The following CHEK2 variants were observed in gnomAD, a reference collection of about 807,000 sequenced individuals.
CHEK2 encodes the protein checkpoint kinase 2, also known as serine/threonine-protein kinase Chk2.
In CHEK2, 71 loss-of-function variants were observed where a neutral mutation model predicts 69.1. The observed-to-expected ratio is 1.03, with a 90% CI of 0.85 to 1.25. The LOEUF (loss-of-function observed/expected upper bound fraction) is 1.25. Ranked by LOEUF, CHEK2 falls within the 50% of genes most tolerant of loss-of-function variation. The pLI, the probability that CHEK2 is intolerant of heterozygous loss-of-function variation, is 0.00. For missense variants in CHEK2, 664 were observed against 649.6 expected, an observed-to-expected ratio of 1.02 and a Z score of -0.24; for synonymous variants, 189 against 226.9, an observed-to-expected ratio of 0.83 and a Z score of 1.50.
intron 7 of CHEK2, among the ~76,000 whole-genome samples, chr22:28,706,747 C>T (rs940496506): frequency 3.9e-5 from 6 of 152,026 alleles, no homozygotes; most frequent in Non-Finnish European, 7.4e-5. Context: ...GGCAAAACCC[C>T]ATCTCTACTA....
chr22:28,715,207 TAGAG>T (rs2053547797), intron 5 of CHEK2, among the ~76,000 whole-genome samples: 1 of 151,982 alleles, frequency 6.6e-6, no homozygotes, highest in Middle Eastern at 3.2e-3. Flanking sequence ...TCCTACCACA[TAGAG>T]AGAACAATTC....
intron 8 of CHEK2, among the ~76,000 whole-genome samples, chr22:28,702,000 G>A (rs2052873891): frequency 6.8e-6 from 1 of 148,082 alleles, no homozygotes; most frequent in African/African-American, 2.5e-5. Context: ...TGTCCAGGCT[G>A]GAGTGCAGTG....
intron 9 of CHEK2, among the ~76,000 whole-genome samples, chr22:28,699,570 G>A (rs1047284394): frequency 1.3e-5 from 2 of 151,798 alleles, no homozygotes; most frequent in African/African-American, 2.4e-5. Flanking sequence ...TCACTATGTT[G>A]GTCAGGATGG....
At chr22:28,729,359 G>A (rs1013728795) in intron 2 of CHEK2, 11 of 190,072 alleles carry the variant, frequency 5.8e-5, no homozygotes, top group Non-Finnish European at 7.9e-5. Flanking sequence ...TGGCTAACAC[G>A]GTGAAACCCC....
rs766525226 is a variant in CHEK2, at chr22:28,689,295, T to C, written c.1462-80A>G. ...GAATGACAGGGCTAGCATGCCCCTG[T>C]GGAAAGAGGGAGGAAAAATGTCCGT... On this transcript the variant is annotated intron_variant, in intron 13 of 14. Transcript: ENST00000404276. The C allele has an allele frequency of 9.1e-6, 9 of 993,532 alleles. 1 individual carries two copies. In the South Asian group the frequency reaches 1.0e-4, roughly 11 times the overall value. 61.5% of individuals were successfully genotyped at this position (993,532 alleles called of 1,614,324 possible).
At chr22:28,713,085 T>C (rs906661387) in intron 5 of CHEK2, among the ~76,000 whole-genome samples, 1 of 152,236 alleles carries the variant, frequency 6.6e-6, no homozygotes, top group Non-Finnish European at 1.5e-5. Flanking sequence ...AATCATACAA[T>C]ATGTAGCCTT....
intron 2 of CHEK2, chr22:28,727,873 T>A (rs922336007): frequency 9.9e-5 from 15 of 152,172 alleles, no homozygotes; most frequent in African/African-American, 3.1e-4. Flanking sequence ...TGGCAAGAGG[T>A]ATGAAAAAGC....
Position 28,734,401 on chromosome 22 carries a change from A to T in CHEK2, c.319+2T>A, listed in dbSNP as rs587782401. On this transcript the variant is annotated splice_donor_variant, in intron 2 of 14. Transcript: ENST00000404276. LOFTEE classifies it high-confidence loss of function. ...GTGATACTATACAACAAAGGGTCTT[A>T]CCAAGATTGGCAAATCCATCCTGAA... is the stretch of plus-strand genomic sequence containing the variant. 4.6e-5 allele frequency: 75 copies of T among 1,613,644 alleles called. No homozygotes were observed. Among genetic ancestry groups the T allele is most frequent in the Non-Finnish European group, 2.0e-5 (24 of 1,179,646 alleles).
intron 7 of CHEK2, 126 bp downstream of exon 7, chr22:28,709,880 T>A: frequency 1.8e-6 from 1 of 571,096 alleles, no homozygotes. Flanking sequence ...CCTCCCAAAG[T>A]GCTAGGGTTA....
At chr22:28,720,249 C>G in intron 4 of CHEK2, among the ~76,000 whole-genome samples, 1 of 151,752 alleles carries the variant, frequency 6.6e-6, no homozygotes, top group East Asian at 1.9e-4. Flanking sequence ...CAGCACCATG[C>G]CCGGCTAAGT....
intron 5 of CHEK2, among the ~76,000 whole-genome samples, chr22:28,713,301 T>C (rs1259337386): frequency 2.0e-5 from 3 of 152,068 alleles, no homozygotes; most frequent in Non-Finnish European, 1.5e-5. Context: ...AGAAAAACAA[T>C]AGATAAATTA....
chr22:28,688,561 C>A (rs2052216626), intron 14 of CHEK2, among the ~76,000 whole-genome samples: 1 of 152,028 alleles, frequency 6.6e-6, no homozygotes, highest in African/African-American at 2.4e-5. Context: ...CCCAGATACT[C>A]GGGAGACTGA....
intron 9 of CHEK2, 32 bp from the exon 10 acceptor site, chr22:28,697,019 T>A: frequency 7.4e-7 from 1 of 1,346,132 alleles, no homozygotes; most frequent in East Asian, 2.3e-5. Flanking sequence ...ACCCTCAGAT[T>A]CATGCAGTAG....
chr22:28,692,698 G>A (rs1261078674), intron 13 of CHEK2, among the ~76,000 whole-genome samples: 1 of 152,142 alleles, frequency 6.6e-6, no homozygotes, highest in African/African-American at 2.4e-5. Flanking sequence ...TACCAGTTCT[G>A]TCCCCCATCT....
At chr22:28,730,282 G>A (rs2054168395) in intron 2 of CHEK2, 1 of 388,586 alleles carries the variant, frequency 2.6e-6, no homozygotes, top group Non-Finnish European at 4.6e-6. Context: ...GAAAGCGGAA[G>A]GGAAAGGAAA....
At chr22:28,734,017 T>C (rs936728860) in intron 2 of CHEK2, among the ~76,000 whole-genome samples, 8 of 152,004 alleles carry the variant, frequency 5.3e-5, no homozygotes, top group Non-Finnish European at 1.0e-4. Flanking sequence ...TTCATTTGCA[T>C]AAGGCGTCAA....
chr22:28,730,055 G>A lies in CHEK2; in HGVS notation c.319+4348C>T, dbSNP rs1270592500. On this transcript the variant is annotated intron_variant, in intron 2 of 14. Transcript: ENST00000404276. Reference sequence around the variant, plus strand: ...AGACGGGGTTTCACCATGTTGGCCAGGATGGTCTCGATCTCCTGACCTTGT... The same window carrying A: ...AGACGGGGTTTCACCATGTTGGCCAAGATGGTCTCGATCTCCTGACCTTGT... Among the ~76,000 whole-genome samples the A allele has an allele frequency of 6.6e-5, 10 of 150,448 alleles. No individual in the cohort carries two copies. In the Admixed American group the frequency reaches 6.7e-4, roughly 10 times the overall value.
chr22:28,728,172 A>G (rs563075455), intron 2 of CHEK2: 1 of 152,210 alleles, frequency 6.6e-6, no homozygotes, highest in Non-Finnish European at 1.5e-5. Flanking sequence ...AGTTAAAAAG[A>G]TCAACAAGTT....
At chr22:28,713,515 C>A (rs961859114) in intron 5 of CHEK2, among the ~76,000 whole-genome samples, 2 of 151,860 alleles carry the variant, frequency 1.3e-5, no homozygotes, top group African/African-American at 4.8e-5. Flanking sequence ...CGCCACCACG[C>A]CCGGCTAATC....
Sources: allele counts gnomAD v4.1 joint callset (sites outside exome capture counted in the v4.1 genomes callset), GRCh38; gene constraint gnomAD v4.1.1; transcripts MANE v1.5; gene names NCBI Gene and HGNC (gene_info 2026-07-23, HGNC 2026-07-21).